The following KHDRBS3 variants were observed in gnomAD, a reference collection of about 807,000 sequenced individuals.
The protein encoded by KHDRBS3 is KH domain-containing, RNA-binding, signal transduction-associated protein 3.
In KHDRBS3, 23 loss-of-function variants were observed where a neutral mutation model predicts 45.6. That is an observed-to-expected ratio of 0.50 (90% CI 0.36 to 0.72). The LOEUF is 0.72. KHDRBS3 is among the 30% of genes least tolerant of loss of function. KHDRBS3 has a pLI of 0.00. For missense variants in KHDRBS3, 352 were observed against 424.8 expected (o/e 0.83, Z 1.51); for synonymous variants, 162 against 156.5 (o/e 1.04, Z -0.26).
intron 5 of KHDRBS3, among the ~76,000 whole-genome samples, chr8:135,572,085 C>T (rs1166973926): frequency 6.6e-6 from 1 of 152,188 alleles, no homozygotes; most frequent in Admixed American, 6.5e-5. Context: ...TCAAATGGAT[C>T]ATTGTTTCCA....
intron 4 of KHDRBS3, chr8:135,549,499 C>A (rs895706087): frequency 4.6e-5 from 7 of 152,174 alleles, no homozygotes; most frequent in African/African-American, 1.4e-4. Flanking sequence ...CTTTCAGACA[C>A]CTTCACATTG....
chr8:135,497,085 T>A (rs1586610885), intron 1 of KHDRBS3, among the ~76,000 whole-genome samples: 1 of 152,294 alleles, frequency 6.6e-6, no homozygotes, highest in East Asian at 1.9e-4. Context: ...ATTAGACACC[T>A]CTGTCCTTGG....
chr8:135,477,303 C>T (rs1822339830), intron 1 of KHDRBS3, among the ~76,000 whole-genome samples: 1 of 152,112 alleles, frequency 6.6e-6, no homozygotes, highest in Admixed American at 6.5e-5. Flanking sequence ...TCTGTTTTGA[C>T]TTCAAAACCT....
In KHDRBS3 at chr8:135,544,100, G is replaced by A. The variant is rs180965358; in HGVS notation, c.324+1330G>A. On this transcript the variant is annotated intron_variant, in intron 3 of 8. Transcript: ENST00000355849. The stretch of plus-strand genomic sequence containing the variant: ...GTCAGAAATTATGTGTATTTTGCAG[G>A]AAAGTACTCTACCCTTGCTGATATC... Among the ~76,000 whole-genome samples the A allele has an allele frequency of 5.3e-5, 8 of 152,208 alleles. No homozygotes were observed. The East Asian group carries it at 1.5e-3, about 29-fold the overall frequency.
intron 1 of KHDRBS3, among the ~76,000 whole-genome samples, chr8:135,469,289 C>T (rs961154558): frequency 1.3e-5 from 2 of 152,138 alleles, no homozygotes; most frequent in African/African-American, 4.8e-5. Flanking sequence ...TAGGAAGGAC[C>T]GTCTGTTTTT....
At position 135,512,436 on chromosome 8, in the gene KHDRBS3, G is replaced by GGGC. The variant is rs1554620163; in HGVS notation, c.89-8799_89-8798insCGG. Among the ~76,000 whole-genome samples, 19 of 130,110 alleles carry GGGC rather than the reference G, an allele frequency of 1.5e-4. 1 individual carries two copies. The East Asian group carries it at 3.6e-3, about 25-fold the overall frequency. 85.4% of individuals were successfully genotyped at this position (130,110 alleles called of 152,430 possible). On this transcript the variant is annotated intron_variant, in intron 1 of 8. Coordinates refer to ENST00000355849, the MANE Select transcript of KHDRBS3 (RefSeq NM_006558.3). Reference sequence around the variant, plus strand: ...TAAGGTGTTTGGAAAAGTCGGGGGGGGGGTAATAACTCTATTGATCTTATT... The same window carrying GGGC: ...TAAGGTGTTTGGAAAAGTCGGGGGGGGGCGGGTAATAACTCTATTGATCTTATT...
chr8:135,521,506 T>G lies in KHDRBS3; in HGVS notation c.207+151T>G, dbSNP rs765204572. The G allele has an allele frequency of 1.8e-4, 90 of 491,156 alleles. 1 individual carries two copies. Among genetic ancestry groups the G allele is most frequent in the Middle Eastern group, 9.2e-4 (2 of 2,170 alleles). The allele number at this position is 491,156 out of a possible 1,614,324, so 30.4% of individuals were successfully genotyped here. ...AAAGTTAATTAAAAACTTAGTAAATTTATTCATTCTGTCTTTTCCCTTTAG... is the reference window on the plus strand; with the variant it reads ...AAAGTTAATTAAAAACTTAGTAAATGTATTCATTCTGTCTTTTCCCTTTAG... On this transcript the variant is annotated intron_variant, in intron 2 of 8. Transcript: ENST00000355849.
chr8:135,533,905 G>T (rs1456678764), intron 2 of KHDRBS3, among the ~76,000 whole-genome samples: 4 of 152,120 alleles, frequency 2.6e-5, no homozygotes, highest in African/African-American at 9.7e-5. Flanking sequence ...GTTTTATAAT[G>T]AAGTCTTGGA....
At chr8:135,480,228 A>G (rs1338116377) in intron 1 of KHDRBS3, among the ~76,000 whole-genome samples, 3 of 152,214 alleles carry the variant, frequency 2.0e-5, no homozygotes, top group African/African-American at 7.2e-5. Flanking sequence ...AGGATCAGGA[A>G]CAAAGCAAAG....
chr8:135,646,247 C>T (rs1831284055), intron 8 of KHDRBS3, among the ~76,000 whole-genome samples: 1 of 151,796 alleles, frequency 6.6e-6, no homozygotes, highest in Admixed American at 6.6e-5. Context: ...GTTTGATGTC[C>T]AAGACTTATA....
At chr8:135,579,446 T>C (rs1296428708) in intron 5 of KHDRBS3, among the ~76,000 whole-genome samples, 2 of 152,220 alleles carry the variant, frequency 1.3e-5, no homozygotes, top group Non-Finnish European at 2.9e-5. Flanking sequence ...CAAGTAATTC[T>C]CATGCCTCAG....
intron 3 of KHDRBS3, among the ~76,000 whole-genome samples, chr8:135,545,107 T>G (rs908629883): frequency 2.6e-5 from 4 of 152,000 alleles, no homozygotes; most frequent in African/African-American, 9.7e-5. Context: ...TTATCTGGGT[T>G]TATTAGAGAG....
intron 7 of KHDRBS3, among the ~76,000 whole-genome samples, chr8:135,628,201 C>T (rs577697918): frequency 2.0e-5 from 3 of 152,186 alleles, no homozygotes; most frequent in South Asian, 2.1e-4. Flanking sequence ...CTGGGTTTCT[C>T]GGTATCATCA....
At chr8:135,515,242 T>G (rs1024168694) in intron 1 of KHDRBS3, among the ~76,000 whole-genome samples, 2 of 151,286 alleles carry the variant, frequency 1.3e-5, no homozygotes, top group Non-Finnish European at 2.9e-5. Flanking sequence ...GGCGGGCGCC[T>G]GTGGTCCCAG....
intron 5 of KHDRBS3, 76 bp from the exon 6 acceptor site, chr8:135,581,802 G>T (rs898598444): frequency 4.5e-6 from 5 of 1,110,648 alleles, no homozygotes; most frequent in Non-Finnish European, 6.1e-6. Context: ...TTTTGTTTCT[G>T]AGGTATAAAT....
intron 1 of KHDRBS3, among the ~76,000 whole-genome samples, chr8:135,514,986 T>C (rs1824494630): frequency 6.6e-6 from 1 of 152,206 alleles, no homozygotes; most frequent in African/African-American, 2.4e-5. Flanking sequence ...TTCATTATTT[T>C]TCAATATTTT....
intron 7 of KHDRBS3, among the ~76,000 whole-genome samples, chr8:135,644,435 C>G (rs1281758662): frequency 6.6e-6 from 1 of 152,192 alleles, no homozygotes; most frequent in Non-Finnish European, 1.5e-5. Flanking sequence ...CTGCTGAGTC[C>G]TCTTTTCCCA....
chr8:135,536,234 GTTTTTTTTTTTT>G (rs374782370), intron 2 of KHDRBS3, among the ~76,000 whole-genome samples: 1 of 86,400 alleles, frequency 1.2e-5, no homozygotes, highest in Admixed American at 1.6e-4. Context: ...TTTCTGTCCA[GTTTTTTTTTTTT>G]TTTTTTTTTT....
chr8:135,581,986 A>G lies in KHDRBS3; in HGVS notation c.720A>G (p.Gly240=), dbSNP rs199816214. The G allele has an allele frequency of 6.2e-6, 10 of 1,613,368 alleles. No individual in the cohort carries two copies. Among genetic ancestry groups the G allele is most frequent in the Non-Finnish European group, 8.5e-6 (10 of 1,179,666 alleles). ...STRGPVSRGR[G]LLTPRARGVP... Reference sequence around the variant, plus strand: ...GAGGGCCAGTGAGTCGGGGAAGAGGACTTCTCACTCCCAGAGCAAGAGGAG... The same window carrying G: ...GAGGGCCAGTGAGTCGGGGAAGAGGGCTTCTCACTCCCAGAGCAAGAGGAG... The change falls in exon 6 of 9, where the codon GGA becomes GGG. Residue 240 remains glycine, a synonymous_variant. Transcript: ENST00000355849.
Sources: allele counts gnomAD v4.1 joint callset (sites outside exome capture counted in the v4.1 genomes callset), GRCh38; gene constraint gnomAD v4.1.1; transcripts MANE v1.5; gene names NCBI Gene and HGNC (gene_info 2026-07-23, HGNC 2026-07-21).